Variants in CELF4 observed in about 807,000 individuals in gnomAD.
CELF4 encodes CUG-BP- and ETR-3-like factor 4.
CELF4 carries 18 observed loss-of-function variants against 59.9 expected under a neutral mutation model. That is an observed-to-expected ratio of 0.30 (90% CI 0.21 to 0.45). CELF4 has a LOEUF of 0.45. Among genes scored for constraint, CELF4 ranks in the 20% least tolerant of loss-of-function variants. The probability of loss-of-function intolerance (pLI) is 1.00; values close to 1 mark genes in which losing one functional copy is unlikely to be tolerated. For synonymous variants in CELF4, 261 were observed against 267.1 expected (o/e 0.98, Z 0.22); for missense variants, 456 against 689.0 (o/e 0.66, Z 3.79).
In CELF4 at chr18:37,513,335, A is replaced by T. The variant is rs931562016; in HGVS notation, c.287-27728T>A. Among the ~76,000 whole-genome samples the T allele has an allele frequency of 5.3e-5, 8 of 152,184 alleles. No individual in the cohort carries two copies. In the East Asian group the frequency reaches 9.6e-4, roughly 18 times the overall value. ...CCTTCTCTTTCAATCCATATCTGTC[A>T]TCTGGGAGGTGGGATGGACTCCCAG... On this transcript the variant is annotated intron_variant, in intron 1 of 12. Coordinates refer to ENST00000420428, the MANE Select transcript of CELF4 (RefSeq NM_020180.4).
chr18:37,346,415 T>A (rs1043797434), intron 2 of CELF4, among the ~76,000 whole-genome samples: 1 of 151,984 alleles, frequency 6.6e-6, no homozygotes, highest in African/African-American at 2.4e-5. Context: ...GCAGGGCAGG[T>A]TTGCCAGTTG....
chr18:37,474,103 G>A (rs1046213687), intron 2 of CELF4: 8 of 152,352 alleles, frequency 5.3e-5, no homozygotes, highest in Middle Eastern at 3.4e-3. Context: ...GCATGGTTAT[G>A]TTGCTGAAGC....
chr18:37,491,572 A>G (rs1390005468), intron 1 of CELF4, among the ~76,000 whole-genome samples: 1 of 151,854 alleles, frequency 6.6e-6, no homozygotes, highest in Admixed American at 6.5e-5. Flanking sequence ...AAGAGGGACT[A>G]TGGGGGTGGG....
chr18:37,323,771 A>G (rs377545865), intron 2 of CELF4, among the ~76,000 whole-genome samples: 2 of 152,188 alleles, frequency 1.3e-5, no homozygotes, highest in Admixed American at 1.3e-4. Flanking sequence ...TAATTTTACA[A>G]TTCTCTGAGG....
intron 1 of CELF4, among the ~76,000 whole-genome samples, chr18:37,539,015 C>A (rs116479651): frequency 1.8e-3 from 273 of 152,280 alleles, no homozygotes; most frequent in African/African-American, 5.9e-3. Flanking sequence ...CCCTGCTGCT[C>A]TCAGGAAGCA....
intron 1 of CELF4, among the ~76,000 whole-genome samples, chr18:37,554,788 C>T (rs950785946): frequency 6.6e-6 from 1 of 152,110 alleles, no homozygotes; most frequent in Non-Finnish European, 1.5e-5. Flanking sequence ...CTATGGCTGC[C>T]AAGAAGGGCC....
At chr18:37,423,043 CAT>C (rs2099588109) in intron 2 of CELF4, among the ~76,000 whole-genome samples, 1 of 150,816 alleles carries the variant, frequency 6.6e-6, no homozygotes, top group Admixed American at 6.6e-5. Flanking sequence ...AGGTTCTACA[CAT>C]AGACACATGC....
chr18:37,515,778 G>A (rs1194266399), intron 1 of CELF4, among the ~76,000 whole-genome samples: 24 of 152,136 alleles, frequency 1.6e-4, no homozygotes, highest in Non-Finnish European at 5.9e-5. Flanking sequence ...ACCAAGAAGA[G>A]CCAGTAAGTG....
chr18:37,371,066 G>A (rs1219562513), intron 2 of CELF4, among the ~76,000 whole-genome samples: 5 of 152,108 alleles, frequency 3.3e-5, no homozygotes, highest in Non-Finnish European at 7.4e-5. Context: ...CCCTGCCTCT[G>A]TACTTAGATC....
At chr18:37,512,596 T>A (rs755744763) in intron 1 of CELF4, among the ~76,000 whole-genome samples, 1 of 151,616 alleles carries the variant, frequency 6.6e-6, no homozygotes, top group Non-Finnish European at 1.5e-5. Flanking sequence ...TCTTCCTCCT[T>A]CTCTTCTTTC....
chr18:37,530,060 T>G (rs1193664948), intron 1 of CELF4, among the ~76,000 whole-genome samples: 1 of 152,162 alleles, frequency 6.6e-6, no homozygotes, highest in Non-Finnish European at 1.5e-5. Context: ...GTATTGTCCC[T>G]AGAGACTGCA....
chr18:37,262,277 C>A (rs1190894764), intron 10 of CELF4, among the ~76,000 whole-genome samples: 1 of 152,212 alleles, frequency 6.6e-6, no homozygotes, highest in African/African-American at 2.4e-5. Context: ...GGTGGCTCAA[C>A]CCATGGACCA....
intron 2 of CELF4, among the ~76,000 whole-genome samples, chr18:37,336,359 A>T (rs111554826): frequency 2.9e-4 from 44 of 152,238 alleles, no homozygotes; most frequent in African/African-American, 1.0e-3. Flanking sequence ...AATTTTTAAA[A>T]TAATTATTTG....
chr18:37,284,638 C>G (rs1319647630), intron 3 of CELF4, among the ~76,000 whole-genome samples: 3 of 152,210 alleles, frequency 2.0e-5, no homozygotes, highest in African/African-American at 7.2e-5. Flanking sequence ...GTCAACGCCA[C>G]CTCCCTCCCC....
chr18:37,252,757 T>G (rs1344553653), intron 12 of CELF4, among the ~76,000 whole-genome samples: 1 of 150,750 alleles, frequency 6.6e-6, no homozygotes, highest in Admixed American at 6.6e-5. Context: ...ACGTCATTGT[T>G]TATTGTCTGT....
chr18:37,426,853 T>C (rs980482948), intron 2 of CELF4, among the ~76,000 whole-genome samples: 5 of 151,884 alleles, frequency 3.3e-5, no homozygotes, highest in African/African-American at 9.7e-5. Flanking sequence ...TTGTGAGAGA[T>C]GAGCACGGCT....
At chr18:37,330,519 G>A (rs2097501419) in intron 2 of CELF4, among the ~76,000 whole-genome samples, 1 of 152,214 alleles carries the variant, frequency 6.6e-6, no homozygotes, top group African/African-American at 2.4e-5. Flanking sequence ...CTCATCTGTT[G>A]TCAGCATAAA....
At chr18:37,377,200 A>C (rs2098980888) in intron 2 of CELF4, among the ~76,000 whole-genome samples, 1 of 152,190 alleles carries the variant, frequency 6.6e-6, no homozygotes, top group African/African-American at 2.4e-5. Context: ...GCAGGAAGGC[A>C]GTGGTTGGGC....
At chr18:37,335,557 G>A (rs1017003994) in intron 2 of CELF4, among the ~76,000 whole-genome samples, 8 of 151,680 alleles carry the variant, frequency 5.3e-5, no homozygotes, top group Non-Finnish European at 7.4e-5. Context: ...TGTGATGTGC[G>A]TGCTGTGTAA....
Sources: allele counts gnomAD v4.1 joint callset (sites outside exome capture counted in the v4.1 genomes callset), GRCh38; gene constraint gnomAD v4.1.1; transcripts MANE v1.5; gene names NCBI Gene and HGNC (gene_info 2026-07-23, HGNC 2026-07-21).